The following TLR6 variants were observed in gnomAD, a reference collection of about 807,000 sequenced individuals.
TLR6 encodes toll like receptor 6.
Under a neutral mutation model 16.1 loss-of-function variants are expected in TLR6, and 9 were observed. That is an observed-to-expected ratio of 0.56 (90% CI 0.34 to 0.98). TLR6 has a LOEUF of 0.98. Ranked by LOEUF, TLR6 falls within the 50% of genes least tolerant of loss-of-function variation. The probability of loss-of-function intolerance (pLI) is 0.02; values close to 1 mark genes in which losing one functional copy is unlikely to be tolerated. For missense variants in TLR6, 786 were observed against 921.0 expected (o/e 0.85, Z 1.90); for synonymous variants, 340 against 338.6 (o/e 1.00, Z -0.04).
At chr4:38,849,471 A>G (rs1272018481) in intron 1 of TLR6, among the ~76,000 whole-genome samples, 3 of 152,148 alleles carry the variant, frequency 2.0e-5, no homozygotes, top group African/African-American at 7.2e-5. Context: ...CAATTAAAAG[A>G]CACAGACTGG....
intron 1 of TLR6, among the ~76,000 whole-genome samples, chr4:38,836,868 A>C (rs1345091092): frequency 1.3e-5 from 2 of 151,450 alleles, no homozygotes; most frequent in Admixed American, 6.6e-5. Flanking sequence ...TGAACCTGGG[A>C]GGCAGAGGTT....
exon 2 of TLR6, chr4:38,827,853 C>A: frequency 1.9e-6 from 3 of 1,614,228 alleles, no homozygotes; most frequent in Non-Finnish European, 1.7e-6. Context: ...ATATTTTTGA[C>A]AAATTCTCTT....
intron 1 of TLR6, among the ~76,000 whole-genome samples, chr4:38,845,018 C>G (rs980445450): frequency 1.3e-5 from 2 of 152,180 alleles, no homozygotes; most frequent in African/African-American, 4.8e-5. Flanking sequence ...AAGATTGTGC[C>G]ACTGCACTCC....
In TLR6 at chr4:38,850,732, T is replaced by C. The variant is rs550656639; in HGVS notation, c.-65+6029A>G. On this transcript the variant is annotated intron_variant, in intron 1 of 1. Coordinates refer to ENST00000436693, the Ensembl canonical transcript of TLR6. ...ATAACAGGCTCTGAAATTGAGGCAA[T>C]AATTAATAGCCTACCAACCAAAAAA... is the stretch of plus-strand genomic sequence containing the variant. Among the ~76,000 whole-genome samples the C allele has an allele frequency of 1.4e-4, 22 of 152,296 alleles. No individual in the cohort carries two copies. The South Asian group carries it at 4.6e-3, about 32-fold the overall frequency.
the TLR6 span, among the ~76,000 whole-genome samples, chr4:38,867,005 A>G: frequency 6.6e-6 from 1 of 152,246 alleles, no homozygotes; most frequent in South Asian, 2.1e-4. Flanking sequence ...ATTGTTTACA[A>G]AACTAGTTAA....
At chr4:38,836,659 C>G (rs889979424) in intron 1 of TLR6, among the ~76,000 whole-genome samples, 3 of 152,204 alleles carry the variant, frequency 2.0e-5, no homozygotes, top group Non-Finnish European at 4.4e-5. Context: ...CAGACAAGGA[C>G]TGGGTGTGGT....
At chr4:38,858,548 T>C (rs896398966), upstream of TLR6, among the ~76,000 whole-genome samples, 2 of 151,814 alleles carry the variant, frequency 1.3e-5, no homozygotes, top group African/African-American at 4.8e-5. Context: ...GGCGAAACCC[T>C]GTCTCTACTA....
At chr4:38,867,044 C>A in the TLR6 span, among the ~76,000 whole-genome samples, 1 of 152,242 alleles carries the variant, frequency 6.6e-6, no homozygotes, top group Non-Finnish European at 1.5e-5. Flanking sequence ...TCCTCCGCAT[C>A]TGAGTTCATA....
At chr4:38,833,329 G>C (rs1447210140) in intron 1 of TLR6, among the ~76,000 whole-genome samples, 1 of 152,318 alleles carries the variant, frequency 6.6e-6, no homozygotes, top group South Asian at 2.1e-4. Flanking sequence ...TGCCACCACT[G>C]TTGCCTGAGA....
At chr4:38,853,054 A>C (rs1246047171) in intron 1 of TLR6, among the ~76,000 whole-genome samples, 1 of 97,658 alleles carries the variant, frequency 1.0e-5, no homozygotes, top group East Asian at 2.0e-4. Context: ...TGCAGCCATA[A>C]AAAAGGATGA....
At chr4:38,854,802 A>G (rs1260373065) in intron 1 of TLR6, among the ~76,000 whole-genome samples, 4 of 152,246 alleles carry the variant, frequency 2.6e-5, no homozygotes, top group Non-Finnish European at 5.9e-5. Flanking sequence ...ATAATGAAAT[A>G]TTGAAAAAAT....
At chr4:38,854,436 G>A (rs541726702) in intron 1 of TLR6, among the ~76,000 whole-genome samples, 16 of 152,248 alleles carry the variant, frequency 1.1e-4, no homozygotes, top group Non-Finnish European at 2.1e-4. Context: ...TTTCCAGAAT[G>A]CCTGTTATTT....
exon 2 of TLR6, chr4:38,827,478 T>C: frequency 6.2e-7 from 1 of 1,614,212 alleles, no homozygotes; most frequent in Non-Finnish European, 8.5e-7. Flanking sequence ...ATATCTTCTT[T>C]TTCTAGGTAA....
At chr4:38,825,278 A>C (rs1727492977) in exon 2 of TLR6, 1 of 152,192 alleles carries the variant, frequency 6.6e-6, no homozygotes, top group Non-Finnish European at 1.5e-5. Context: ...AAGGGATTAA[A>C]ATGTCCAGGC....
upstream of TLR6, among the ~76,000 whole-genome samples, chr4:38,858,792 G>GGA (rs56086259): frequency 5.0e-4 from 9 of 18,128 alleles, no homozygotes; most frequent in South Asian, 1.9e-3. Flanking sequence ...AGAGAGAGAG[G>GGA]GAGAGAGAGA....
exon 2 of TLR6, chr4:38,828,783 T>C: frequency 5.0e-6 from 8 of 1,613,842 alleles, no homozygotes; most frequent in Non-Finnish European, 6.8e-6. Context: ...TTGTCATCAT[T>C]CAATTTAATA....
intron 1 of TLR6, among the ~76,000 whole-genome samples, chr4:38,854,089 A>C (rs1207159385): frequency 6.6e-6 from 1 of 152,230 alleles, no homozygotes; most frequent in South Asian, 2.1e-4. Flanking sequence ...CAAACTTTTA[A>C]CATTCAAAAT....
intron 1 of TLR6, among the ~76,000 whole-genome samples, chr4:38,851,463 G>T (rs1712770382): frequency 6.6e-6 from 1 of 152,216 alleles, no homozygotes; most frequent in African/African-American, 2.4e-5. Flanking sequence ...CTTTGCAGAT[G>T]ACATGATAGT....
At chr4:38,837,986 T>C (rs1044256890) in intron 1 of TLR6, among the ~76,000 whole-genome samples, 5 of 152,118 alleles carry the variant, frequency 3.3e-5, no homozygotes, top group African/African-American at 9.7e-5. Flanking sequence ...CCAAGAGTTA[T>C]ATGAAAAAAA....
Sources: allele counts gnomAD v4.1 joint callset (sites outside exome capture counted in the v4.1 genomes callset), GRCh38; gene constraint gnomAD v4.1.1; transcripts MANE v1.5; gene names NCBI Gene and HGNC (gene_info 2026-07-23, HGNC 2026-07-21).